Variants in TMPRSS11D observed in about 807,000 individuals in gnomAD.
TMPRSS11D encodes the protein transmembrane serine protease 11D.
Under a neutral mutation model 44.4 loss-of-function variants are expected in TMPRSS11D, and 32 were observed. That is an observed-to-expected ratio of 0.72 (90% confidence interval 0.54 to 0.97). The LOEUF (loss-of-function observed/expected upper bound fraction) is 0.97, where lower values mean the gene tolerates loss of function less well. Among genes scored for constraint, TMPRSS11D ranks in the 50% least tolerant of loss-of-function variants. The probability of loss-of-function intolerance (pLI) is 0.00; values close to 1 mark genes in which losing one functional copy is unlikely to be tolerated. For synonymous variants in TMPRSS11D, 179 were observed against 177.9 expected, an observed-to-expected ratio of 1.01 and a Z score of -0.05; for missense variants, 446 against 502.6, an observed-to-expected ratio of 0.89 and a Z score of 1.08.
chr4:67,849,812 TA>T lies in TMPRSS11D; in HGVS notation c.249+4255del, dbSNP rs534172055. Among the ~76,000 whole-genome samples the T allele has an allele frequency of 1.2e-4, 18 of 152,314 alleles. No homozygotes were observed. The South Asian group carries it at 3.5e-3, about 30-fold the overall frequency. On this transcript the variant is annotated intron_variant, in intron 3 of 9. Coordinates refer to ENST00000283916, the MANE Select transcript of TMPRSS11D (RefSeq NM_004262.3). ...ATACTCATATTATCATGAGAAATGG[TA>T]TGATCCTTAGATTTTGAGTCAAGAG...
intron 3 of TMPRSS11D, among the ~76,000 whole-genome samples, chr4:67,853,286 A>G (rs1240763736): frequency 6.6e-6 from 1 of 152,234 alleles, no homozygotes; most frequent in Non-Finnish European, 1.5e-5. Context: ...AGTGGTTCAG[A>G]AAAGCACCAA....
chr4:67,837,760 A>G (rs944051934), intron 5 of TMPRSS11D, among the ~76,000 whole-genome samples: 1 of 152,034 alleles, frequency 6.6e-6, no homozygotes, highest in African/African-American at 2.4e-5. Context: ...TACAAAATTT[A>G]CACAGATAAC....
At chr4:67,875,003 A>G (rs1031302297) in intron 1 of TMPRSS11D, among the ~76,000 whole-genome samples, 1 of 152,238 alleles carries the variant, frequency 6.6e-6, no homozygotes, top group African/African-American at 2.4e-5. Context: ...GCATCAATAT[A>G]TTTTTAAAAA....
intron 1 of TMPRSS11D, among the ~76,000 whole-genome samples, chr4:67,868,283 A>G (rs1232021195): frequency 6.6e-6 from 1 of 152,164 alleles, no homozygotes; most frequent in Non-Finnish European, 1.5e-5. Context: ...AGAGTAGAAT[A>G]ATGGAGACAT....
chr4:67,833,587 T>A (rs1332100135), intron 6 of TMPRSS11D: 1 of 419,508 alleles, frequency 2.4e-6, no homozygotes, highest in Non-Finnish European at 4.0e-6. Context: ...TGGAGAACAT[T>A]TCTGAATTTA....
At chr4:67,882,981 T>C (rs190887618) in intron 1 of TMPRSS11D, among the ~76,000 whole-genome samples, 2 of 152,168 alleles carry the variant, frequency 1.3e-5, no homozygotes, top group Admixed American at 6.5e-5. Context: ...TTATTTCTTC[T>C]ATCATTGGAA....
chr4:67,850,517 A>G (rs1560543138), intron 3 of TMPRSS11D, among the ~76,000 whole-genome samples: 1 of 152,138 alleles, frequency 6.6e-6, no homozygotes, highest in Non-Finnish European at 1.5e-5. Flanking sequence ...AGGAAGTCCA[A>G]GGGATGTTAA....
intron 3 of TMPRSS11D, among the ~76,000 whole-genome samples, chr4:67,849,993 A>G (rs1336256919): frequency 2.0e-5 from 3 of 152,188 alleles, no homozygotes; most frequent in African/African-American, 4.8e-5. Flanking sequence ...TTAAATGTTC[A>G]AAGTGTTTTT....
At chr4:67,835,708 T>C (rs991457012) in intron 5 of TMPRSS11D, among the ~76,000 whole-genome samples, 3 of 152,128 alleles carry the variant, frequency 2.0e-5, no homozygotes, top group Admixed American at 2.0e-4. Context: ...ATATTTGAGC[T>C]AGAAGAAATA....
At chr4:67,875,038 T>G (rs551455341) in intron 1 of TMPRSS11D, among the ~76,000 whole-genome samples, 1 of 152,356 alleles carries the variant, frequency 6.6e-6, no homozygotes, top group South Asian at 2.1e-4. Context: ...CAATCCCTTC[T>G]GAATTTAATC....
At chr4:67,838,372 AT>A in intron 4 of TMPRSS11D, 43 bp from the exon 5 acceptor site, 4 of 1,457,548 alleles carry the variant, frequency 2.7e-6, no homozygotes, top group South Asian at 3.0e-5. Flanking sequence ...TAATATGACA[AT>A]TTTTCACCAT....
chr4:67,830,127 A>G (rs1717909028), intron 7 of TMPRSS11D, among the ~76,000 whole-genome samples: 1 of 152,112 alleles, frequency 6.6e-6, no homozygotes, highest in African/African-American at 2.4e-5. Context: ...AAATTCCAAG[A>G]ATTGAGTGAA....
intron 4 of TMPRSS11D, among the ~76,000 whole-genome samples, chr4:67,840,162 G>C (rs1317282347): frequency 6.6e-6 from 1 of 152,042 alleles, no homozygotes; most frequent in African/African-American, 2.4e-5. Context: ...GTGTGTATTA[G>C]TTTTTTCTCA....
intron 2 of TMPRSS11D, among the ~76,000 whole-genome samples, chr4:67,854,527 A>C (rs115288357): frequency 1.3e-5 from 2 of 152,154 alleles, no homozygotes; most frequent in Non-Finnish European, 2.9e-5. Context: ...TTTGTAATAT[A>C]CTATTATTTA....
At chr4:67,864,623 T>TA (rs953109579) in intron 1 of TMPRSS11D, among the ~76,000 whole-genome samples, 1 of 151,868 alleles carries the variant, frequency 6.6e-6, no homozygotes, top group Non-Finnish European at 1.5e-5. Context: ...ATGCTGCTTA[T>TA]AAAAAACTTA....
At chr4:67,840,720 C>T (rs1440023691) in intron 4 of TMPRSS11D, among the ~76,000 whole-genome samples, 2 of 152,016 alleles carry the variant, frequency 1.3e-5, no homozygotes, top group Non-Finnish European at 2.9e-5. Flanking sequence ...GATGGATACC[C>T]CATTTTACAC....
chr4:67,846,104 C>T (rs1243995668), intron 3 of TMPRSS11D, among the ~76,000 whole-genome samples: 1 of 152,096 alleles, frequency 6.6e-6, no homozygotes, highest in Non-Finnish European at 1.5e-5. Context: ...CTTTCTCTTT[C>T]GTTTCACCAG....
rs181363466 is a variant in TMPRSS11D, at chr4:67,821,575, A to G, written c.*762T>C. 6.6e-6 allele frequency: 1 copy of G among 152,226 alleles called. No homozygotes were observed. The highest frequency in any genetic ancestry group is 1.9e-4 in the East Asian group (1 of 5,174). The allele number at this position is 152,226 out of a possible 1,614,324, so 9.4% of individuals were successfully genotyped here. A position where few individuals can be genotyped will look rare whatever the true frequency, so the allele number is the denominator to read the frequency against. On this transcript the variant is annotated 3_prime_UTR_variant, in exon 10 of 10. Coordinates refer to ENST00000283916, the MANE Select transcript of TMPRSS11D (RefSeq NM_004262.3). ...GCACCTGACAAGTTTGTGTAGGTATATTTCTTAGCTTCTCTATAAAATAGA... is the reference window on the plus strand; with the variant it reads ...GCACCTGACAAGTTTGTGTAGGTATGTTTCTTAGCTTCTCTATAAAATAGA...
rs534080752 is a variant in TMPRSS11D at position 67,845,001 on chromosome 4, G to A, written c.250-2376C>T. ...AAGTAGAAAAAACTGTCACAAAGCT[G>A]AAGGAATTGTTAAAATTTGATAAGT... On this transcript the variant is annotated intron_variant, in intron 3 of 9. Coordinates refer to ENST00000283916, the MANE Select transcript of TMPRSS11D (RefSeq NM_004262.3). Among the ~76,000 whole-genome samples the A allele has an allele frequency of 3.2e-3, 490 of 152,234 alleles. 1 individual carries two copies. Among genetic ancestry groups the A allele is most frequent in the Non-Finnish European group, 4.6e-3 (311 of 68,012 alleles).
Sources: allele counts gnomAD v4.1 joint callset (sites outside exome capture counted in the v4.1 genomes callset), GRCh38; gene constraint gnomAD v4.1.1; transcripts MANE v1.5; gene names NCBI Gene and HGNC (gene_info 2026-07-23, HGNC 2026-07-21).